SLC35F3: variants seen among roughly 807,000 people sequenced by gnomAD.
The protein encoded by SLC35F3 is putative thiamine transporter SLC35F3.
SLC35F3 carries 25 observed loss-of-function variants against 49.9 expected under a neutral mutation model. That is an observed-to-expected ratio of 0.50 (90% CI 0.37 to 0.70). The LOEUF is 0.70. Among genes scored for constraint, SLC35F3 ranks in the 30% least tolerant of loss-of-function variants. The pLI, the probability that SLC35F3 is intolerant of heterozygous loss-of-function variation, is 0.00. For missense variants in SLC35F3, 525 were observed against 639.8 expected (o/e 0.82, Z 1.94); for synonymous variants, 275 against 265.4 (o/e 1.04, Z -0.35).
intron 3 of SLC35F3, among the ~76,000 whole-genome samples, chr1:234,261,292 G>A (rs1416267233): frequency 1.3e-5 from 2 of 152,204 alleles, no homozygotes; most frequent in Non-Finnish European, 2.9e-5. Context: ...AGCCCTAAGG[G>A]CTGCTGGTTG....
chr1:233,908,788 C>G (rs922915207), intron 2 of SLC35F3, among the ~76,000 whole-genome samples: 1 of 151,284 alleles, frequency 6.6e-6, no homozygotes, highest in East Asian at 1.9e-4. Context: ...CCCACCTCGG[C>G]CTCCCAAAGT....
intron 2 of SLC35F3, among the ~76,000 whole-genome samples, chr1:234,014,769 A>T (rs1663777340): frequency 6.6e-6 from 1 of 152,172 alleles, no homozygotes; most frequent in Admixed American, 6.5e-5. Flanking sequence ...AAATTTAAAC[A>T]AAGAGGTGAA....
intron 2 of SLC35F3, among the ~76,000 whole-genome samples, chr1:234,108,454 T>TAAAAGA (rs1665327964): frequency 8.7e-6 from 1 of 114,834 alleles, no homozygotes. Context: ...AAGATATATA[T>TAAAAGA]TATTTATATA....
chr1:234,021,458 A>C (rs1471269495), intron 2 of SLC35F3, among the ~76,000 whole-genome samples: 1 of 152,166 alleles, frequency 6.6e-6, no homozygotes, highest in Admixed American at 6.5e-5. Context: ...CATTTAAAAT[A>C]TTTTATCAAC....
intron 2 of SLC35F3, among the ~76,000 whole-genome samples, chr1:234,119,196 C>G (rs1282322972): frequency 1.3e-5 from 2 of 151,934 alleles, no homozygotes; most frequent in African/African-American, 2.4e-5. Flanking sequence ...TACTTGTGAG[C>G]AGTCATGCCA....
chr1:234,267,907 C>A (rs1315497097), intron 3 of SLC35F3, among the ~76,000 whole-genome samples: 2 of 84,548 alleles, frequency 2.4e-5, no homozygotes, highest in East Asian at 2.5e-4. Context: ...GGCTGCCGGG[C>A]AGAGACGCTC....
intron 3 of SLC35F3, among the ~76,000 whole-genome samples, chr1:234,236,060 G>A (rs925843980): frequency 2.6e-5 from 4 of 152,156 alleles, no homozygotes; most frequent in Non-Finnish European, 5.9e-5. Flanking sequence ...GGGTGGGGGT[G>A]CATGCAAGGG....
chr1:234,214,213 G>A lies in SLC35F3; in HGVS notation c.284-17204G>A. On this transcript the variant is annotated intron_variant, in intron 2 of 7. Coordinates refer to ENST00000366618, the MANE Select transcript of SLC35F3 (RefSeq NM_173508.4). The surrounding 1 kb of genome is among the most constrained non-coding windows in gnomAD (Gnocchi z 8.0). ...GGGAGCAGGGAGTGCACTTGTACGT[G>A]ACGTTGGAGTTTGCAGCAACCTCCA... is the stretch of plus-strand genomic sequence containing the variant. The A allele has an allele frequency of 1.7e-6, 2 of 1,187,962 alleles. No individual in the cohort carries two copies. The highest frequency in any genetic ancestry group is 3.4e-4 in the Middle Eastern group (1 of 2,922). 73.6% of individuals were successfully genotyped at this position (1,187,962 alleles called of 1,614,324 possible). A position where few individuals can be genotyped will look rare whatever the true frequency, so the allele number is the denominator to read the frequency against.
At chr1:233,928,385 A>G (rs1662192661) in intron 2 of SLC35F3, among the ~76,000 whole-genome samples, 2 of 152,152 alleles carry the variant, frequency 1.3e-5, no homozygotes, top group South Asian at 4.1e-4. Context: ...AATAATTGGA[A>G]CCTGCAGTTT....
chr1:234,012,166 A>G (rs1303398754), intron 2 of SLC35F3, among the ~76,000 whole-genome samples: 1 of 152,224 alleles, frequency 6.6e-6, no homozygotes, highest in African/African-American at 2.4e-5. Context: ...TCTCTGCCCA[A>G]ACATCTCAGT....
intron 3 of SLC35F3, among the ~76,000 whole-genome samples, chr1:234,295,693 C>G (rs1412943515): frequency 6.6e-6 from 1 of 152,154 alleles, no homozygotes; most frequent in East Asian, 1.9e-4. Flanking sequence ...TTTGAAAATT[C>G]TTTTTCATAG....
intron 2 of SLC35F3, among the ~76,000 whole-genome samples, chr1:234,088,664 T>C (rs1478360711): frequency 6.6e-6 from 1 of 152,266 alleles, no homozygotes. Context: ...TGTTTTGCCA[T>C]ATTTTGTATG....
intron 2 of SLC35F3, among the ~76,000 whole-genome samples, chr1:234,076,539 G>A (rs1182929561): frequency 6.6e-6 from 1 of 151,078 alleles, no homozygotes; most frequent in Non-Finnish European, 1.5e-5. Context: ...TTGGCTCACT[G>A]CAACCTCCAC....
chr1:234,003,599 TAAAC>T lies in SLC35F3; in HGVS notation c.283+97843_283+97846del, dbSNP rs897361319. ...CAAGCTTACAGGAGGGACAGCTTCT[TAAAC>T]AGACACACACAAAAGGGCAAAATCC... On this transcript the variant is annotated intron_variant, in intron 2 of 7. Transcript: ENST00000366618. 3.3e-5 allele frequency among the ~76,000 whole-genome samples: 5 copies of T among 152,168 alleles called. No homozygotes were observed. In the South Asian group the frequency reaches 6.2e-4, roughly 19 times the overall value.
intron 2 of SLC35F3, among the ~76,000 whole-genome samples, chr1:234,110,697 A>G (rs1378600608): frequency 2.0e-5 from 3 of 152,010 alleles, no homozygotes; most frequent in Non-Finnish European, 4.4e-5. Flanking sequence ...GATGCTATGG[A>G]AGACAGTTTC....
At chr1:234,078,266 C>T (rs1360668604) in intron 2 of SLC35F3, among the ~76,000 whole-genome samples, 1 of 151,956 alleles carries the variant, frequency 6.6e-6, no homozygotes, top group Admixed American at 6.6e-5. Flanking sequence ...TCCTCTTCTT[C>T]CTCCTCCTCC....
rs544457210 is a variant in SLC35F3, at chr1:234,196,006, C to T, written c.284-35411C>T. On this transcript the variant is annotated intron_variant, in intron 2 of 7. Coordinates refer to ENST00000366618, the MANE Select transcript of SLC35F3 (RefSeq NM_173508.4). ...TAAACCTCTTTTTCTTTATAAATTA[C>T]CCAGTCTTGGGTATGTTTTTATCAG... 2.8e-4 allele frequency among the ~76,000 whole-genome samples: 42 copies of T among 152,130 alleles called. No individual in the cohort carries two copies. The South Asian group carries it at 7.7e-3, about 28-fold the overall frequency.
chr1:234,322,650 CGTGTGT>C (rs55827503), intron 7 of SLC35F3, among the ~76,000 whole-genome samples: 2,278 of 144,754 alleles, frequency 0.016, 56 homozygotes, highest in East Asian at 0.11. Flanking sequence ...GGGTCAAATG[CGTGTGT>C]GTGTGTGTGT....
At chr1:234,051,140 A>G (rs1468899378) in intron 2 of SLC35F3, among the ~76,000 whole-genome samples, 3 of 152,134 alleles carry the variant, frequency 2.0e-5, no homozygotes, top group Non-Finnish European at 2.9e-5. Context: ...TTGGTTCCAT[A>G]TGAACTTTAA....
Sources: allele counts gnomAD v4.1 joint callset (sites outside exome capture counted in the v4.1 genomes callset), GRCh38; gene constraint gnomAD v4.1.1; non-coding constraint Gnocchi (gnomAD v3.1); transcripts MANE v1.5; gene names NCBI Gene and HGNC (gene_info 2026-07-23, HGNC 2026-07-21).